The following NFATC1 variants were observed in gnomAD, a reference collection of about 807,000 sequenced individuals.
NFATC1 encodes the protein nuclear factor of activated T-cells, cytoplasmic 1.
In NFATC1, 22 loss-of-function variants were observed where a neutral mutation model predicts 76.0. The ratio of observed to expected loss-of-function variants is 0.29; its 90% CI spans 0.21 to 0.41. The LOEUF (loss-of-function observed/expected upper bound fraction) is 0.41, where lower values mean the gene tolerates loss of function less well. Among genes scored for constraint, NFATC1 ranks in the 10% least tolerant of loss-of-function variants. NFATC1 has a pLI of 1.00. For missense variants in NFATC1, 1,357 were observed against 1,337.7 expected, an observed-to-expected ratio of 1.01 and a Z score of -0.23; for synonymous variants, 704 against 613.1, an observed-to-expected ratio of 1.15 and a Z score of -2.19.
Position 79,481,142 on chromosome 18 carries a change from C to A in NFATC1, c.2093-5106C>A, listed in dbSNP as rs146125038. 7.7e-3 allele frequency among the ~76,000 whole-genome samples: 1,175 copies of A among 152,368 alleles called. 10 individuals carry two copies. The highest frequency in any genetic ancestry group is 0.012 in the Non-Finnish European group (798 of 68,038). ...ACAGAGAGCACTTGGCCAAGCCCTG[C>A]CTCTGGGGCTCCCCATCGTCTGGCT... On this transcript the variant is annotated intron_variant, in intron 8 of 9. Transcript: ENST00000427363.
Position 79,507,384 on chromosome 18 carries a change from C to T in NFATC1, c.2783-20144C>T, listed in dbSNP as rs573905897. ...GGGCCGGTGGAGCCATGCGAGCGGC[C>T]GCGTAAATCAGGCAGGCGTGGCCGG... On this transcript the variant is annotated intron_variant, in intron 9 of 9. Transcript: ENST00000427363. Among the ~76,000 whole-genome samples the T allele has an allele frequency of 1.8e-4, 27 of 152,298 alleles. No individual in the cohort carries two copies. The South Asian group carries it at 5.2e-3, about 29-fold the overall frequency.
At chr18:79,408,306 G>A (rs1481740990) in intron 1 of NFATC1, among the ~76,000 whole-genome samples, 3 of 152,182 alleles carry the variant, frequency 2.0e-5, no homozygotes, top group Non-Finnish European at 2.9e-5. Context: ...GAATTTCCAT[G>A]TGCTTGTTTG....
chr18:79,412,435 GT>G (rs551116096), intron 2 of NFATC1, among the ~76,000 whole-genome samples: 13,056 of 135,420 alleles, frequency 0.096, 685 homozygotes, highest in Non-Finnish European at 0.12. Flanking sequence ...TCCTGTTTTT[GT>G]TTTTTTTTTT....
At chr18:79,440,666 G>A (rs1035624215) in intron 3 of NFATC1, among the ~76,000 whole-genome samples, 1 of 152,240 alleles carries the variant, frequency 6.6e-6, no homozygotes, top group Admixed American at 6.5e-5. Context: ...GGGAAGGAGC[G>A]GCCACTGTCT....
rs767841094 is a variant in NFATC1, at chr18:79,411,266, G to A, written c.991G>A (p.Val331Ile). The A allele has an allele frequency of 2.2e-5, 36 of 1,603,072 alleles. No homozygotes were observed. The highest frequency in any genetic ancestry group is 5.0e-5 in the Admixed American group (3 of 59,976). Residue 331 changes from valine (V) to isoleucine (I), a missense_variant, in exon 2 of 10, where the codon GTC becomes ATC. Physicochemically the swap from Val to Ile is conservative, Grantham distance 29. This residue lies in a region of NFATC1 where 691 missense variants were observed against 613.1 expected (regional missense o/e 1.13). Transcript: ENST00000427363. ...CAGCAGCCTGGACCTGGGAGATGGC[G>A]TCCCTGTCAAGTCCCGCAAGACCAC... Reference protein sequence around the residue: ...TDSSLDLGDGVPVKSRKTTLE... With the variant: ...TDSSLDLGDGIPVKSRKTTLE...
intron 1 of NFATC1, chr18:79,400,584 C>G (rs1201001514): frequency 9.6e-7 from 1 of 1,038,382 alleles, no homozygotes; most frequent in Non-Finnish European, 1.3e-6. Context: ...CCCAGGAGTC[C>G]CCGGCGCGCC....
chr18:79,397,135 G>T (rs1274279437), intron 1 of NFATC1, among the ~76,000 whole-genome samples: 1 of 152,188 alleles, frequency 6.6e-6, no homozygotes, highest in African/African-American at 2.4e-5. Context: ...CCCCACCTTA[G>T]CCCGTCCCCG....
At chr18:79,402,590 C>G (rs1032898460) in intron 1 of NFATC1, among the ~76,000 whole-genome samples, 6 of 152,178 alleles carry the variant, frequency 3.9e-5, no homozygotes, top group Non-Finnish European at 8.8e-5. Context: ...CCTCCAGAGA[C>G]CACCGTGGTT....
At chr18:79,438,492 T>C (rs1278086983) in intron 3 of NFATC1, among the ~76,000 whole-genome samples, 1 of 152,202 alleles carries the variant, frequency 6.6e-6, no homozygotes, top group Non-Finnish European at 1.5e-5. Flanking sequence ...GTTTACCAAG[T>C]CACCAAAATA....
chr18:79,436,495 C>CA (rs2086780944), intron 3 of NFATC1, among the ~76,000 whole-genome samples: 1 of 152,190 alleles, frequency 6.6e-6, no homozygotes, highest in Admixed American at 6.5e-5. Flanking sequence ...GCCAGGGGCA[C>CA]GCTGTGCCCC....
rs375731796 is a variant in NFATC1, at chr18:79,410,944, C to T, written c.669C>T (p.Arg223=). ...KTTDPEEGFP[R]GLGACTLLGS... ...CGGACCCCGAGGAGGGCTTTCCCCG[C>T]GGGCTGGGGGCCTGCACACTGCTGG... The change falls in exon 2 of 10, where the codon CGC becomes CGT. Residue 223 remains arginine, a synonymous_variant. Transcript: ENST00000427363. This position sits in a 1 kb window ranked among gnomAD's most constrained non-coding sequence, Gnocchi z 6.7. The T allele has an allele frequency of 2.3e-5, 37 of 1,602,450 alleles. No homozygotes were observed. In the East Asian group the frequency reaches 3.6e-4, roughly 15 times the overall value.
At chr18:79,425,737 G>A (rs537275567) in intron 2 of NFATC1, among the ~76,000 whole-genome samples, 1 of 152,330 alleles carries the variant, frequency 6.6e-6, no homozygotes, top group Non-Finnish European at 1.5e-5. Flanking sequence ...AGAGGGACAT[G>A]GCAGGGCCTC....
chr18:79,521,817 C>A (rs187931133), intron 9 of NFATC1, among the ~76,000 whole-genome samples: 179 of 428 alleles, frequency 0.42, 63 homozygotes, highest in South Asian at 0.5. Context: ...GGGGGCATCC[C>A]CTGATGTGTG....
At chr18:79,491,771 C>T (rs899328296) in intron 9 of NFATC1, among the ~76,000 whole-genome samples, 2 of 152,170 alleles carry the variant, frequency 1.3e-5, no homozygotes, top group African/African-American at 4.8e-5. Context: ...CGCAGAGCTG[C>T]GTGCGGGGAG....
chr18:79,523,726 G>A (rs949740561), intron 9 of NFATC1, among the ~76,000 whole-genome samples: 4 of 152,200 alleles, frequency 2.6e-5, no homozygotes, highest in Non-Finnish European at 4.4e-5. Context: ...CCTGCAGCCA[G>A]GATTCAAAAC....
chr18:79,448,200 C>T, intron 3 of NFATC1: 1 of 157,232 alleles, frequency 6.4e-6, no homozygotes, highest in Non-Finnish European at 1.4e-5. Flanking sequence ...CAGCGTCTGC[C>T]TCTGGACACT....
intron 3 of NFATC1, among the ~76,000 whole-genome samples, chr18:79,441,351 A>G (rs1030738238): frequency 6.6e-6 from 1 of 151,442 alleles, no homozygotes; most frequent in Non-Finnish European, 1.5e-5. Context: ...GGAGGTGCAC[A>G]TGGCTGCTGG....
chr18:79,462,069 C>T (rs56726794), intron 7 of NFATC1, among the ~76,000 whole-genome samples: 36 of 152,322 alleles, frequency 2.4e-4, no homozygotes, highest in African/African-American at 8.7e-4. Flanking sequence ...TTCCCTGGCA[C>T]CGCGTGCATA....
intron 9 of NFATC1, among the ~76,000 whole-genome samples, chr18:79,509,953 C>T (rs1464177575): frequency 6.6e-6 from 1 of 152,258 alleles, no homozygotes; most frequent in Non-Finnish European, 1.5e-5. Context: ...GTTAACCACT[C>T]TTGGTGCAGC....
Sources: allele counts gnomAD v4.1 joint callset (sites outside exome capture counted in the v4.1 genomes callset), GRCh38; gene constraint gnomAD v4.1.1; regional missense constraint gnomAD v4.1.1; non-coding constraint Gnocchi (gnomAD v3.1); transcripts MANE v1.5; gene names NCBI Gene and HGNC (gene_info 2026-07-23, HGNC 2026-07-21).